Variants in GRM1 observed in about 807,000 individuals in gnomAD.
GRM1 encodes glutamate metabotropic receptor 1.
A neutral mutation model predicts 90.9 loss-of-function variants in GRM1; 33 were observed. The observed-to-expected ratio is 0.36, with a 90% CI of 0.28 to 0.49. The LOEUF (loss-of-function observed/expected upper bound fraction) is 0.49, where lower values mean the gene tolerates loss of function less well. Among genes scored for constraint, GRM1 ranks in the 20% least tolerant of loss-of-function variants. GRM1 has a pLI of 0.99. For synonymous variants in GRM1, 700 were observed against 613.2 expected, an observed-to-expected ratio of 1.14 and a Z score of -2.09; for missense variants, 1,190 against 1,534.3, an observed-to-expected ratio of 0.78 and a Z score of 3.75.
At chr6:146,388,570 C>G (rs1381392006) in intron 6 of GRM1, among the ~76,000 whole-genome samples, 6 of 152,044 alleles carry the variant, frequency 3.9e-5, no homozygotes, top group Non-Finnish European at 5.9e-5. Context: ...TGTAAGTCAC[C>G]TAGTACAAAG....
In GRM1 at chr6:146,257,981, C is replaced by G. The variant is rs148667637; in HGVS notation, c.951-46630C>G. The stretch of plus-strand genomic sequence containing the variant: ...GGAACACACTTTCCATCCGTTTGTT[C>G]TTCCGTAAAAAAAAAAAAATAGTTT... On this transcript the variant is annotated intron_variant, in intron 2 of 7. Coordinates refer to ENST00000282753, the MANE Select transcript of GRM1 (RefSeq NM_001278064.2). 5.8e-3 allele frequency among the ~76,000 whole-genome samples: 726 copies of G among 124,628 alleles called. 7 individuals are homozygous for G. Among genetic ancestry groups the G allele is most frequent in the African/African-American group, 0.021 (679 of 32,660 alleles). The allele number at this position is 124,628 out of a possible 152,430, so 81.8% of individuals were successfully genotyped here. A position where few individuals can be genotyped will look rare whatever the true frequency, so the allele number is the denominator to read the frequency against.
chr6:146,406,480 G>T (rs1411581676), intron 7 of GRM1, among the ~76,000 whole-genome samples: 2 of 152,148 alleles, frequency 1.3e-5, no homozygotes, highest in Non-Finnish European at 2.9e-5. Flanking sequence ...TGTTCTTCTG[G>T]AATTACTGAT....
At chr6:146,290,817 G>T (rs1245238600) in intron 2 of GRM1, among the ~76,000 whole-genome samples, 4 of 152,104 alleles carry the variant, frequency 2.6e-5, no homozygotes, top group African/African-American at 9.7e-5. Flanking sequence ...TGAGACCTGG[G>T]AATATTGAGT....
intron 1 of GRM1, among the ~76,000 whole-genome samples, chr6:146,101,297 A>G (rs1777041162): frequency 6.6e-6 from 1 of 152,150 alleles, no homozygotes; most frequent in South Asian, 2.1e-4. Flanking sequence ...CACCTTTGTC[A>G]TTGATCATAG....
chr6:146,226,394 T>C (rs556712261), intron 2 of GRM1, among the ~76,000 whole-genome samples: 1 of 152,242 alleles, frequency 6.6e-6, no homozygotes, highest in East Asian at 1.9e-4. Flanking sequence ...TCATGCCTTT[T>C]GGAGTGACTG....
chr6:146,279,844 G>T (rs1455807767), intron 2 of GRM1, among the ~76,000 whole-genome samples: 1 of 151,628 alleles, frequency 6.6e-6, no homozygotes, highest in Non-Finnish European at 1.5e-5. Flanking sequence ...CTTCTTGCTT[G>T]CATCATTTTT....
intron 1 of GRM1, among the ~76,000 whole-genome samples, chr6:146,124,380 GTTTGCACTGAT>G (rs1776116367): frequency 6.6e-6 from 1 of 152,140 alleles, no homozygotes; most frequent in African/African-American, 2.4e-5. Flanking sequence ...GACATTAAAT[GTTTGCACTGAT>G]TTTGGCAGAG....
At position 146,433,898 on chromosome 6, in the gene GRM1, C is replaced by T; in HGVS notation, c.2687C>T (p.Ser896Phe). 1.9e-6 allele frequency: 3 copies of T among 1,613,312 alleles called. No homozygotes were observed. The highest frequency in any genetic ancestry group is 2.5e-6 in the Non-Finnish European group (3 of 1,179,258). ...TCTAATGGCAAGTCTGTGTCATGGT[C>T]TGAACCAGGTGGAGGACAGGTGCCC... ...ANSNGKSVSW[S>F]EPGGGQVPKG... Residue 896 changes from serine to phenylalanine, a missense_variant, in exon 8 of 8, where the codon TCT becomes TTT. Physicochemically the swap from Ser to Phe is radical, Grantham distance 155 (BLOSUM62 -2). Transcript: ENST00000282753.
chr6:146,217,999 A>G (rs1029011091), intron 2 of GRM1, among the ~76,000 whole-genome samples: 6 of 152,206 alleles, frequency 3.9e-5, no homozygotes, highest in African/African-American at 1.4e-4. Context: ...TTTATTAATT[A>G]TCCTAATAAC....
intron 2 of GRM1, among the ~76,000 whole-genome samples, chr6:146,290,479 A>G (rs1782941474): frequency 6.6e-6 from 1 of 152,218 alleles, no homozygotes; most frequent in South Asian, 2.1e-4. Flanking sequence ...GCTACCATTC[A>G]TAAAAAAGGA....
chr6:146,259,958 TTA>T (rs560018959), intron 2 of GRM1, among the ~76,000 whole-genome samples: 51 of 147,624 alleles, frequency 3.5e-4, no homozygotes, highest in African/African-American at 5.6e-4. Context: ...CAATACTTAT[TTA>T]TATATATATA....
intron 1 of GRM1, among the ~76,000 whole-genome samples, chr6:146,119,154 C>A (rs1775881803): frequency 6.6e-6 from 1 of 152,186 alleles, no homozygotes; most frequent in Admixed American, 6.5e-5. Context: ...GAGATGGTAT[C>A]TCATTGTGGT....
At chr6:146,415,460 A>G (rs546552392) in intron 7 of GRM1, among the ~76,000 whole-genome samples, 1 of 152,294 alleles carries the variant, frequency 6.6e-6, no homozygotes, top group Non-Finnish European at 1.5e-5. Flanking sequence ...TAAATTTTTG[A>G]AAATATTGCC....
chr6:146,221,360 G>A (rs1389171663), intron 2 of GRM1, among the ~76,000 whole-genome samples: 1 of 151,948 alleles, frequency 6.6e-6, no homozygotes, highest in Non-Finnish European at 1.5e-5. Flanking sequence ...CCCACCCGCT[G>A]ACAGGCCCCA....
intron 2 of GRM1, among the ~76,000 whole-genome samples, chr6:146,296,171 A>G (rs1258092709): frequency 6.6e-6 from 1 of 152,244 alleles, no homozygotes; most frequent in East Asian, 1.9e-4. Context: ...ATAGTGCTGC[A>G]GTGAACATTT....
chr6:146,200,148 C>T (rs1779254969), intron 2 of GRM1, among the ~76,000 whole-genome samples: 1 of 152,142 alleles, frequency 6.6e-6, no homozygotes, highest in Non-Finnish European at 1.5e-5. Context: ...CATAGATTTG[C>T]CTTGGCTGAG....
At chr6:146,307,237 T>C (rs1163803473) in intron 3 of GRM1, among the ~76,000 whole-genome samples, 1 of 152,224 alleles carries the variant, frequency 6.6e-6, no homozygotes. Flanking sequence ...CAAAGCTGTG[T>C]TTAAGAGCTT....
At chr6:146,176,832 T>A (rs1415053205) in intron 2 of GRM1, among the ~76,000 whole-genome samples, 1 of 152,046 alleles carries the variant, frequency 6.6e-6, no homozygotes, top group Non-Finnish European at 1.5e-5. Flanking sequence ...TTAACTAGCA[T>A]CCATAATAGA....
At chr6:146,304,494 G>C in intron 2 of GRM1, 117 bp from the exon 3 acceptor site, 1 of 787,704 alleles carries the variant, frequency 1.3e-6, no homozygotes, top group Non-Finnish European at 2.2e-6. Context: ...GGGTAGTAAT[G>C]CTGGCTTAAA....
Sources: allele counts gnomAD v4.1 joint callset (sites outside exome capture counted in the v4.1 genomes callset), GRCh38; gene constraint gnomAD v4.1.1; transcripts MANE v1.5; gene names NCBI Gene and HGNC (gene_info 2026-07-23, HGNC 2026-07-21).